TMEM260: variants seen among roughly 807,000 people sequenced by gnomAD.
TMEM260 encodes transmembrane protein 260.
TMEM260 carries 82 observed loss-of-function variants against 88.9 expected under a neutral mutation model. The observed-to-expected ratio is 0.92, with a 90% CI of 0.77 to 1.11. The LOEUF (loss-of-function observed/expected upper bound fraction) is 1.11, where lower values mean the gene tolerates loss of function less well. TMEM260 is among the 50% of genes least tolerant of loss of function. The probability of loss-of-function intolerance (pLI) is 0.00; values close to 1 mark genes in which losing one functional copy is unlikely to be tolerated. For synonymous variants in TMEM260, 314 were observed against 309.3 expected, an observed-to-expected ratio of 1.02 and a Z score of -0.16; for missense variants, 902 against 853.4, an observed-to-expected ratio of 1.06 and a Z score of -0.71.
intron 15 of TMEM260, among the ~76,000 whole-genome samples, chr14:56,640,312 A>G (rs769017753): frequency 1.4e-5 from 2 of 142,230 alleles, no homozygotes; most frequent in Non-Finnish European, 3.1e-5. Context: ...CAGAGGGACA[A>G]TCAGGCAGCT....
chr14:56,647,476 G>A lies in TMEM260; in HGVS notation c.2103G>A (p.Leu701=). The A allele has an allele frequency of 6.3e-7, 1 of 1,599,682 alleles. No individual in the cohort carries two copies. The highest frequency in any genetic ancestry group is 8.5e-7 in the Non-Finnish European group (1 of 1,176,096). ...ACCTAAGAAAAGAACTGCAAAGTCT[G>A]AGAAATAGGAAAAATGTCTGAGACA... ...LKHLRKELQS[L]RNRKNV is the part of the protein sequence containing the mutation. The change falls in exon 16 of 16, where the codon CTG becomes CTA. Residue 701 remains leucine, a synonymous_variant. Coordinates refer to ENST00000261556, the MANE Select transcript of TMEM260 (RefSeq NM_017799.4).
chr14:56,612,113 A>C, intron 6 of TMEM260, 132 bp from the exon 7 acceptor site: 1 of 794,968 alleles, frequency 1.3e-6, no homozygotes, highest in South Asian at 1.5e-5. Context: ...AAACCTGTAG[A>C]GGTACCCCGA....
chr14:56,616,243 G>A (rs1887587117), intron 8 of TMEM260: 1 of 421,828 alleles, frequency 2.4e-6, no homozygotes, highest in Non-Finnish European at 4.2e-6. Context: ...TTACATCTAA[G>A]TAGACAGTCA....
Position 56,636,554 on chromosome 14 carries a change from A to G in TMEM260, c.1825A>G (p.Met609Val), listed in dbSNP as rs1889097898. 3.7e-6 allele frequency: 6 copies of G among 1,614,098 alleles called. No individual in the cohort carries two copies. The highest frequency in any genetic ancestry group is 3.3e-5 in the South Asian group (3 of 91,084). ...CTTTAACCTGGCAGAAACTGCTCACATGCCTTCAAAAGTGAAAGCTCAACT... is the reference window on the plus strand; with the variant it reads ...CTTTAACCTGGCAGAAACTGCTCACGTGCCTTCAAAAGTGAAAGCTCAACT... Reference protein sequence around the residue: ...FIFNLAETAHMPSKVKAQLYA... With the variant: ...FIFNLAETAHVPSKVKAQLYA... Residue 609 changes from methionine to valine, a missense_variant, in exon 15 of 16, where the codon ATG becomes GTG. By Grantham distance (21) the Met-to-Val change is conservative. Transcript: ENST00000261556.
the TMEM260 span, among the ~76,000 whole-genome samples, chr14:56,661,714 C>G: frequency 2.0e-5 from 3 of 152,206 alleles, no homozygotes; most frequent in Admixed American, 2.0e-4. Context: ...CCCCTCTTGT[C>G]ATAGAGGAAT....
chr14:56,651,492 A>G (rs1890206303), downstream of TMEM260, among the ~76,000 whole-genome samples: 3 of 152,232 alleles, frequency 2.0e-5, no homozygotes, highest in African/African-American at 7.2e-5. Flanking sequence ...GAAGCCAACA[A>G]TTATTGGCCT....
At chr14:56,649,552 T>TA (rs1454828172), downstream of TMEM260, 4 of 152,240 alleles carry the variant, frequency 2.6e-5, no homozygotes, top group East Asian at 7.7e-4. Context: ...AGATTGCACA[T>TA]ATGCGTGGTG....
intron 7 of TMEM260, chr14:56,613,731 G>A (rs2139578883): frequency 6.6e-6 from 1 of 151,706 alleles, no homozygotes; most frequent in African/African-American, 2.4e-5. Context: ...ATTTTCGCTG[G>A]GGGAATGTAA....
intron 13 of TMEM260, 100 bp downstream of exon 13, chr14:56,633,271 TTA>T: frequency 2.2e-6 from 2 of 890,828 alleles, no homozygotes; most frequent in Non-Finnish European, 3.3e-6. Flanking sequence ...TTTTTTTTTA[TTA>T]ATTGTTAATA....
Position 56,617,293 on chromosome 14 carries a change from G to C in TMEM260, c.1052G>C (p.Gly351Ala). ...NLDISKPLFM[G>A]VVERFWMQSN... ...GATATTTCAAAACCACTTTTCATGGGTGTGGTAAGTTTTACTTAGATATAT... is the reference window on the plus strand; with the variant it reads ...GATATTTCAAAACCACTTTTCATGGCTGTGGTAAGTTTTACTTAGATATAT... Residue 351 changes from glycine (G) to alanine (A), a missense_variant, in exon 9 of 16, where the codon GGT becomes GCT. Gly to Ala is a moderately conservative substitution (Grantham distance 60). Coordinates refer to ENST00000261556, the MANE Select transcript of TMEM260 (RefSeq NM_017799.4). The C allele has an allele frequency of 8.8e-6, 14 of 1,582,178 alleles. No homozygotes were observed. The highest frequency in any genetic ancestry group is 1.4e-5 in the African/African-American group (1 of 73,604).
chr14:56,616,065 G>A (rs754935089), intron 8 of TMEM260, 38 bp downstream of exon 8: 15 of 1,442,800 alleles, frequency 1.0e-5, no homozygotes, highest in Non-Finnish European at 1.5e-5. Context: ...ATTTTTCTAT[G>A]TTCATGAATT....
intron 10 of TMEM260, 73 bp from the exon 11 acceptor site, chr14:56,621,458 G>GA: frequency 8.9e-7 from 1 of 1,122,310 alleles, no homozygotes; most frequent in Non-Finnish European, 1.2e-6. Context: ...GAATGGCATA[G>GA]AAAATAAGCC....
intron 1 of TMEM260, among the ~76,000 whole-genome samples, chr14:56,582,049 T>C (rs936837237): frequency 6.6e-6 from 1 of 152,230 alleles, no homozygotes; most frequent in African/African-American, 2.4e-5. Flanking sequence ...TCTAATATTT[T>C]TATGTTCATT....
At chr14:56,643,759 C>G (rs1019470148) in intron 15 of TMEM260, among the ~76,000 whole-genome samples, 1 of 152,170 alleles carries the variant, frequency 6.6e-6, no homozygotes, top group Non-Finnish European at 1.5e-5. Context: ...ATTCAGAAAA[C>G]CCCACTGTCT....
chr14:56,596,794 A>AAATATATAT (rs59623466), intron 3 of TMEM260, among the ~76,000 whole-genome samples: 1 of 136,298 alleles, frequency 7.3e-6, no homozygotes, highest in African/African-American at 2.8e-5. Context: ...TAAAAAAAAA[A>AAATATATAT]ATATATATAT....
At position 56,612,293 on chromosome 14, in the gene TMEM260, T is replaced by C. The variant is rs1887331906; in HGVS notation, c.857+8T>C. ...TATGTCTGAAATACTGCTGTGAGTA[T>C]GAAATATTTGAAACTACTTTAAAAT... On this transcript the variant is annotated splice_region_variant and intron_variant, in intron 7 of 15. Coordinates refer to ENST00000261556, the MANE Select transcript of TMEM260 (RefSeq NM_017799.4). The C allele has an allele frequency of 1.2e-6, 2 of 1,609,618 alleles. No homozygotes were observed. The highest frequency in any genetic ancestry group is 1.3e-5 in the African/African-American group (1 of 74,860).
At chr14:56,639,319 G>T (rs1464343138) in intron 15 of TMEM260, among the ~76,000 whole-genome samples, 1 of 152,132 alleles carries the variant, frequency 6.6e-6, no homozygotes, top group Non-Finnish European at 1.5e-5. Flanking sequence ...TAATTGGATT[G>T]TAACACAAAG....
At chr14:56,618,346 G>A (rs145257213) in intron 9 of TMEM260, among the ~76,000 whole-genome samples, 5 of 152,176 alleles carry the variant, frequency 3.3e-5, no homozygotes, top group African/African-American at 1.2e-4. Flanking sequence ...CAAGACTAAG[G>A]CCACAGTATT....
chr14:56,597,236 A>G (rs1886303625), intron 3 of TMEM260, among the ~76,000 whole-genome samples: 1 of 152,230 alleles, frequency 6.6e-6, no homozygotes, highest in Admixed American at 6.5e-5. Flanking sequence ...CTTTTTGAAT[A>G]CTGACATGAT....
Sources: allele counts gnomAD v4.1 joint callset (sites outside exome capture counted in the v4.1 genomes callset), GRCh38; gene constraint gnomAD v4.1.1; transcripts MANE v1.5; gene names NCBI Gene and HGNC (gene_info 2026-07-23, HGNC 2026-07-21).